CORO2B: variants seen among roughly 807,000 people sequenced by gnomAD.
CORO2B encodes the protein coronin 2B.
A neutral mutation model predicts 58.8 loss-of-function variants in CORO2B; 26 were observed. The ratio of observed to expected loss-of-function variants is 0.44; its 90% CI spans 0.32 to 0.61. The LOEUF is 0.61. Among genes scored for constraint, CORO2B ranks in the 20% least tolerant of loss-of-function variants. The pLI, the probability that CORO2B is intolerant of heterozygous loss-of-function variation, is 0.04. For missense variants in CORO2B, 460 were observed against 645.1 expected (o/e 0.71, Z 3.11); for synonymous variants, 242 against 253.8 (o/e 0.95, Z 0.44).
chr15:68,714,691 G>T, intron 7 of CORO2B, 28 bp downstream of exon 7: 1 of 1,568,394 alleles, frequency 6.4e-7, no homozygotes. Context: ...AGGGCCCGGG[G>T]CAGCCTGTGG....
chr15:68,698,717 CTCGT>C (rs1178643945), intron 3 of CORO2B, among the ~76,000 whole-genome samples: 8 of 152,154 alleles, frequency 5.3e-5, no homozygotes, highest in African/African-American at 2.4e-5. Flanking sequence ...CTCGGTTTTG[CTCGT>C]CTCTGAAACA....
the CORO2B span, among the ~76,000 whole-genome samples, chr15:68,529,271 C>T: frequency 6.6e-6 from 1 of 152,110 alleles, no homozygotes; most frequent in Non-Finnish European, 1.5e-5. Context: ...GCTTTTTGCT[C>T]TCTATATCCT....
In CORO2B at chr15:68,645,460, C is replaced by A; in HGVS notation, c.216+100C>A. 9.0e-7 allele frequency: 1 copy of A among 1,108,308 alleles called. No homozygotes were observed. Among genetic ancestry groups the A allele is most frequent in the East Asian group, 2.5e-5 (1 of 40,028 alleles). 68.7% of individuals were successfully genotyped at this position (1,108,308 alleles called of 1,614,324 possible). A position where few individuals can be genotyped will look rare whatever the true frequency, so the allele number is the denominator to read the frequency against. ...GTTGACCCTACTTCTCTCTGAGTTCCCACCTTTTACTTCCTCATCAAGCAT... is the reference window on the plus strand; with the variant it reads ...GTTGACCCTACTTCTCTCTGAGTTCACACCTTTTACTTCCTCATCAAGCAT... On this transcript the variant is annotated intron_variant, in intron 2 of 11. Coordinates refer to ENST00000261861, the MANE Select transcript of CORO2B (RefSeq NM_006091.5). This position sits in a 1 kb window ranked among gnomAD's most constrained non-coding sequence, Gnocchi z 4.5.
In CORO2B at chr15:68,726,163, C is replaced by T. The variant is rs1893293955; in HGVS notation, c.*189C>T. 5.7e-6 allele frequency: 4 copies of T among 699,990 alleles called. No homozygotes were observed. The highest frequency in any genetic ancestry group is 9.1e-6 in the Non-Finnish European group (4 of 439,552). The allele number at this position is 699,990 out of a possible 1,614,324, so 43.4% of individuals were successfully genotyped here. A position where few individuals can be genotyped will look rare whatever the true frequency, so the allele number is the denominator to read the frequency against. ...CCTGACCTCATGCTAATAAAAGTCC[C>T]CAGCTTCTGGAGACCCCCTGCCGGC... On this transcript the variant is annotated 3_prime_UTR_variant, in exon 12 of 12. Coordinates refer to ENST00000261861, the MANE Select transcript of CORO2B (RefSeq NM_006091.5).
At chr15:68,570,220 T>G in the CORO2B span, among the ~76,000 whole-genome samples, 1 of 152,198 alleles carries the variant, frequency 6.6e-6, no homozygotes, top group Non-Finnish European at 1.5e-5. Context: ...TGCATGTAAG[T>G]CATATAGCCT....
intron 2 of CORO2B, among the ~76,000 whole-genome samples, chr15:68,675,348 A>G (rs80236545): frequency 1.6e-4 from 24 of 152,290 alleles, no homozygotes; most frequent in African/African-American, 5.8e-4. Context: ...CGGTCAGTTC[A>G]GCCTCTGCTT....
chr15:68,586,148 C>G (rs1284477088), intron 1 of CORO2B, among the ~76,000 whole-genome samples: 1 of 152,160 alleles, frequency 6.6e-6, no homozygotes, highest in African/African-American at 2.4e-5. Context: ...GTTTCCTCAT[C>G]CATTCATTGG....
chr15:68,649,404 T>C (rs1479990001), intron 2 of CORO2B, among the ~76,000 whole-genome samples: 1 of 152,186 alleles, frequency 6.6e-6, no homozygotes, highest in Non-Finnish European at 1.5e-5. Context: ...AGCAATTTTA[T>C]GATAGTGAAA....
the CORO2B span, chr15:68,559,549 C>T: frequency 1.0e-6 from 1 of 984,128 alleles, no homozygotes; most frequent in Non-Finnish European, 1.2e-6. This position sits in a 1 kb window ranked among gnomAD's most constrained non-coding sequence, Gnocchi z 4.3. Flanking sequence ...TTGACCGTGC[C>T]AAGCCGGCCC....
chr15:68,633,028 C>T (rs187208917), intron 1 of CORO2B, among the ~76,000 whole-genome samples: 25 of 152,334 alleles, frequency 1.6e-4, no homozygotes, highest in African/African-American at 5.3e-4. Context: ...CTCTTCCCTC[C>T]GCTTATGGCT....
the CORO2B span, among the ~76,000 whole-genome samples, chr15:68,549,146 A>T: frequency 4.6e-5 from 7 of 152,250 alleles, no homozygotes; most frequent in Non-Finnish European, 8.8e-5. Flanking sequence ...TGTCAAGAAG[A>T]GGAGAAAATC....
chr15:68,715,230 C>A lies in CORO2B; in HGVS notation c.886C>A (p.Arg296=). The change falls in exon 8 of 12, where the codon CGG becomes AGG. Residue 296 remains arginine, a synonymous_variant. Transcript: ENST00000261861. ...YLAGKGDGNI[R]YYEISTEKPY... ...CTGACCCCAGGGTGATGGAAACATC[C>A]GGTACTACGAGATCAGCACTGAGAA... 1 of 1,613,998 alleles carries A rather than the reference C, an allele frequency of 6.2e-7. No homozygotes were observed. The highest frequency in any genetic ancestry group is 8.5e-7 in the Non-Finnish European group (1 of 1,179,936).
chr15:68,632,844 G>T (rs1900887116), intron 1 of CORO2B, among the ~76,000 whole-genome samples: 1 of 152,182 alleles, frequency 6.6e-6, no homozygotes, highest in African/African-American at 2.4e-5. Flanking sequence ...TGCCCGCCTT[G>T]GTCCCCCTAA....
chr15:68,717,450 G>A (rs981258586), intron 8 of CORO2B, among the ~76,000 whole-genome samples: 3 of 152,178 alleles, frequency 2.0e-5, no homozygotes, highest in Non-Finnish European at 2.9e-5. Context: ...GAAGGAAGAC[G>A]GGGAGAACAG....
chr15:68,536,303 G>C, the CORO2B span, among the ~76,000 whole-genome samples: 3 of 152,154 alleles, frequency 2.0e-5, no homozygotes, highest in Non-Finnish European at 4.4e-5. Context: ...TATATTTCTG[G>C]ATGCTTGATC....
intron 3 of CORO2B, among the ~76,000 whole-genome samples, chr15:68,705,288 A>C (rs1280057950): frequency 1.3e-5 from 2 of 152,082 alleles, no homozygotes; most frequent in African/African-American, 4.8e-5. Flanking sequence ...AAATACAAAA[A>C]TTAGCTGGGC....
intron 2 of CORO2B, among the ~76,000 whole-genome samples, chr15:68,680,121 C>T (rs1217130205): frequency 6.6e-6 from 1 of 152,092 alleles, no homozygotes; most frequent in Non-Finnish European, 1.5e-5. Context: ...AGAGGCAAGG[C>T]AGAGTGGCCC....
Position 68,726,721 on chromosome 15 carries a change from G to A in CORO2B, c.*747G>A, listed in dbSNP as rs1893309569. ...ATGACAGAACTGAGGGTTGCAATGG[G>A]GAAATGACTTATAAAGTCACCCAGC... is the stretch of plus-strand genomic sequence containing the variant. On this transcript the variant is annotated 3_prime_UTR_variant, in exon 12 of 12. Transcript: ENST00000261861. 6.6e-6 allele frequency: 1 copy of A among 152,380 alleles called. No individual in the cohort carries two copies. The allele number at this position is 152,380 out of a possible 1,614,324, so 9.4% of individuals were successfully genotyped here. A position where few individuals can be genotyped will look rare whatever the true frequency, so the allele number is the denominator to read the frequency against.
chr15:68,668,715 G>A (rs1338248914), intron 2 of CORO2B, among the ~76,000 whole-genome samples: 1 of 152,174 alleles, frequency 6.6e-6, no homozygotes, highest in Non-Finnish European at 1.5e-5. Flanking sequence ...AGCCATTGGA[G>A]GGTTTCAAGC....
Sources: allele counts gnomAD v4.1 joint callset (sites outside exome capture counted in the v4.1 genomes callset), GRCh38; gene constraint gnomAD v4.1.1; non-coding constraint Gnocchi (gnomAD v3.1); transcripts MANE v1.5; gene names NCBI Gene and HGNC (gene_info 2026-07-23, HGNC 2026-07-21).